AGMO: variants seen among roughly 807,000 people sequenced by gnomAD.
The protein encoded by AGMO is alkylglycerol monooxygenase, also known as glyceryl-ether monooxygenase.
A neutral mutation model predicts 60.2 loss-of-function variants in AGMO; 75 were observed. That is an observed-to-expected ratio of 1.25 (90% CI 1.03 to 1.51). The LOEUF (loss-of-function observed/expected upper bound fraction) is 1.51. Ranked by LOEUF, AGMO falls within the 40% of genes most tolerant of loss-of-function variation. The pLI, the probability that AGMO is intolerant of heterozygous loss-of-function variation, is 0.00. For synonymous variants in AGMO, 261 were observed against 177.1 expected, an observed-to-expected ratio of 1.47 and a Z score of -3.76; for missense variants, 763 against 525.5, an observed-to-expected ratio of 1.45 and a Z score of -4.42.
chr7:15,194,972 C>G, the AGMO span, among the ~76,000 whole-genome samples: 1 of 152,128 alleles, frequency 6.6e-6, no homozygotes, highest in Non-Finnish European at 1.5e-5. Flanking sequence ...TGTCTAATGT[C>G]TCTGAAAGGG....
At chr7:15,555,926 G>A (rs116382103) in intron 2 of AGMO, among the ~76,000 whole-genome samples, 4,242 of 151,670 alleles carry the variant, frequency 0.028, 215 homozygotes, top group African/African-American at 0.098. Context: ...CCTTACATGG[G>A]GATTTTAAAT....
intron 5 of AGMO, among the ~76,000 whole-genome samples, chr7:15,411,403 G>A (rs1780600784): frequency 6.6e-6 from 1 of 151,840 alleles, no homozygotes; most frequent in Non-Finnish European, 1.5e-5. Flanking sequence ...AAGTTCATAG[G>A]CACAGTAACA....
chr7:15,387,611 A>G (rs1004523359), intron 8 of AGMO, 71 bp from the exon 9 acceptor site: 9 of 1,351,234 alleles, frequency 6.7e-6, no homozygotes, highest in African/African-American at 6.2e-5. Flanking sequence ...AAAGTTATGT[A>G]TATTATTTTA....
At chr7:15,339,430 T>C (rs1781762991) in intron 12 of AGMO, among the ~76,000 whole-genome samples, 1 of 152,200 alleles carries the variant, frequency 6.6e-6, no homozygotes, top group African/African-American at 2.4e-5. Context: ...CTTCTGCATA[T>C]ACAGTGTGAT....
chr7:15,468,998 C>A (rs1782367792), intron 3 of AGMO, among the ~76,000 whole-genome samples: 1 of 152,018 alleles, frequency 6.6e-6, no homozygotes, highest in Admixed American at 6.6e-5. Context: ...TTTCTGCTTT[C>A]TTTTTCTTCC....
chr7:15,350,568 G>A (rs565115183), intron 12 of AGMO, among the ~76,000 whole-genome samples: 2 of 152,152 alleles, frequency 1.3e-5, no homozygotes, highest in Non-Finnish European at 2.9e-5. Context: ...GAGAGTCAGA[G>A]AGAGTAGATT....
At chr7:15,519,730 A>G (rs1175301955) in intron 3 of AGMO, among the ~76,000 whole-genome samples, 1 of 152,194 alleles carries the variant, frequency 6.6e-6, no homozygotes, top group African/African-American at 2.4e-5. Context: ...CATTGTCACT[A>G]TGAAGAAACT....
chr7:15,302,257 A>G (rs7811874), intron 12 of AGMO, among the ~76,000 whole-genome samples: 33,578 of 152,076 alleles, frequency 0.22, 7,150 homozygotes, highest in African/African-American at 0.55. Flanking sequence ...CCTCTGAAAT[A>G]AACATTCTTT....
chr7:15,364,595 G>A (rs74527228), intron 12 of AGMO, among the ~76,000 whole-genome samples: 3 of 151,874 alleles, frequency 2.0e-5, no homozygotes, highest in Admixed American at 6.6e-5. Flanking sequence ...CATATACACC[G>A]ATTCGCGTGT....
intron 3 of AGMO, among the ~76,000 whole-genome samples, chr7:15,504,279 C>T (rs559648725): frequency 6.6e-6 from 1 of 152,008 alleles, no homozygotes; most frequent in South Asian, 2.1e-4. Flanking sequence ...AAATTTGTAA[C>T]TAGAAACTTT....
At chr7:15,310,402 T>G (rs746358897) in intron 12 of AGMO, among the ~76,000 whole-genome samples, 1 of 152,138 alleles carries the variant, frequency 6.6e-6, no homozygotes, top group Non-Finnish European at 1.5e-5. Flanking sequence ...ATAAACATAT[T>G]TGGTTTCCAT....
At chr7:15,267,628 T>C (rs1392804923) in intron 12 of AGMO, among the ~76,000 whole-genome samples, 1 of 151,974 alleles carries the variant, frequency 6.6e-6, no homozygotes, top group Non-Finnish European at 1.5e-5. Flanking sequence ...ACTATGGTAC[T>C]ATATTCTCAA....
At chr7:15,204,850 T>C (rs1349758832) in intron 12 of AGMO, among the ~76,000 whole-genome samples, 1 of 152,126 alleles carries the variant, frequency 6.6e-6, no homozygotes, top group Admixed American at 6.6e-5. Flanking sequence ...CAGTTATGTG[T>C]GTGTGTGTTT....
intron 3 of AGMO, among the ~76,000 whole-genome samples, chr7:15,469,717 G>A (rs150064312): frequency 6.6e-6 from 1 of 152,272 alleles, no homozygotes; most frequent in African/African-American, 2.4e-5. Flanking sequence ...TTATGAGATG[G>A]TGATGATATT....
At chr7:15,288,108 C>G (rs1784151565) in intron 12 of AGMO, among the ~76,000 whole-genome samples, 2 of 151,968 alleles carry the variant, frequency 1.3e-5, no homozygotes, top group South Asian at 4.2e-4. Context: ...GCCGCAAGCT[C>G]CGCCTCCCGG....
chr7:15,253,497 G>A (rs931188662), intron 12 of AGMO, among the ~76,000 whole-genome samples: 2 of 151,996 alleles, frequency 1.3e-5, no homozygotes, highest in Admixed American at 6.6e-5. Flanking sequence ...CAAGGTGCAG[G>A]GCCAGCTTGC....
At chr7:15,489,475 T>C (rs1269293055) in intron 3 of AGMO, among the ~76,000 whole-genome samples, 1 of 152,168 alleles carries the variant, frequency 6.6e-6, no homozygotes, top group Non-Finnish European at 1.5e-5. Flanking sequence ...CCTGGACCTT[T>C]TGATGCTTTT....
At chr7:15,206,146 G>T (rs573281601) in intron 12 of AGMO, among the ~76,000 whole-genome samples, 7 of 151,962 alleles carry the variant, frequency 4.6e-5, no homozygotes, top group African/African-American at 1.7e-4. Flanking sequence ...TCCTATGAGC[G>T]CAAGAGGACA....
chr7:15,207,245 C>G (rs1433304170), intron 12 of AGMO, among the ~76,000 whole-genome samples: 1 of 152,168 alleles, frequency 6.6e-6, no homozygotes, highest in Non-Finnish European at 1.5e-5. Context: ...GTAAACCCAT[C>G]TGGTTAAAAT....
Sources: gnomAD v4.1 joint callset for allele counts (sites outside exome capture counted in the v4.1 genomes callset) on GRCh38, gnomAD v4.1.1 for gene constraint, MANE v1.5 for transcripts, NCBI Gene and HGNC (gene_info 2026-07-23, HGNC 2026-07-21) for gene names.